Variants in GABBR2 observed in about 807,000 individuals in gnomAD.
The protein encoded by GABBR2 is G-protein coupled receptor 51.
Under a neutral mutation model 105.6 loss-of-function variants are expected in GABBR2, and 23 were observed. The ratio of observed to expected loss-of-function variants is 0.22; its 90% CI spans 0.16 to 0.31. The LOEUF is 0.31. Among genes scored for constraint, GABBR2 ranks in the 10% least tolerant of loss-of-function variants. The probability of loss-of-function intolerance (pLI) is 1.00; values close to 1 mark genes in which losing one functional copy is unlikely to be tolerated. For synonymous variants in GABBR2, 478 were observed against 499.7 expected (o/e 0.96, Z 0.58); for missense variants, 734 against 1,245.5 (o/e 0.59, Z 6.18).
chr9:98,345,747 T>C (rs967543328), intron 13 of GABBR2, among the ~76,000 whole-genome samples: 2 of 152,226 alleles, frequency 1.3e-5, no homozygotes, highest in East Asian at 3.8e-4. Flanking sequence ...CAGGTAATTA[T>C]AGCAAAGTTT....
intron 2 of GABBR2, among the ~76,000 whole-genome samples, chr9:98,576,952 A>ATGGT (rs1554718741): frequency 7.1e-6 from 1 of 140,364 alleles, no homozygotes; most frequent in African/African-American, 2.8e-5. Context: ...GGATGGATGG[A>ATGGT]TAGGTGAATG....
At chr9:98,489,293 G>A (rs936419691) in intron 4 of GABBR2, among the ~76,000 whole-genome samples, 32 of 152,226 alleles carry the variant, frequency 2.1e-4, no homozygotes, top group African/African-American at 7.5e-4. Flanking sequence ...AGCGTTGGAT[G>A]AGGTCAGAAG....
intron 1 of GABBR2, among the ~76,000 whole-genome samples, chr9:98,672,534 G>T (rs1287028319): frequency 6.6e-6 from 1 of 152,238 alleles, no homozygotes; most frequent in Non-Finnish European, 1.5e-5. Context: ...GTCTGAGTCG[G>T]TGCCTGTCTT....
At chr9:98,643,008 C>G (rs1829985936) in intron 1 of GABBR2, among the ~76,000 whole-genome samples, 1 of 152,172 alleles carries the variant, frequency 6.6e-6, no homozygotes, top group South Asian at 2.1e-4. Flanking sequence ...GCTGATCTCT[C>G]CCAGAAGCAG....
At chr9:98,544,966 A>G (rs1461659686) in intron 2 of GABBR2, among the ~76,000 whole-genome samples, 1 of 152,180 alleles carries the variant, frequency 6.6e-6, no homozygotes, top group Non-Finnish European at 1.5e-5. Context: ...TATGCTCACC[A>G]GTGGGAGAAG....
rs1046930537 is a variant in GABBR2 at position 98,543,358 on chromosome 9, T to TTA, written c.460-1317_460-1316dup. ...TTCTATTTTGTTATATTAATTTTAT[T>TTA]TATATATATATTTATTTATTATTTA... On this transcript the variant is annotated intron_variant, in intron 2 of 18. Transcript: ENST00000259455. Among the ~76,000 whole-genome samples, 36 of 150,980 alleles carry TTA rather than the reference T, an allele frequency of 2.4e-4. No individual in the cohort carries two copies. In the East Asian group the frequency reaches 5.6e-3, roughly 23 times the overall value.
intron 8 of GABBR2, among the ~76,000 whole-genome samples, chr9:98,405,812 AT>A (rs1053120124): frequency 6.6e-6 from 1 of 152,156 alleles, no homozygotes; most frequent in African/African-American, 2.4e-5. Context: ...GGAATCATCC[AT>A]TTTTTTCCTG....
chr9:98,671,338 T>C (rs185413626), intron 1 of GABBR2, among the ~76,000 whole-genome samples: 1 of 152,360 alleles, frequency 6.6e-6, no homozygotes, highest in Non-Finnish European at 1.5e-5. Context: ...TCCATTCCTT[T>C]TTATGGGCAA....
At chr9:98,557,273 C>T (rs969728894) in intron 2 of GABBR2, among the ~76,000 whole-genome samples, 3 of 152,118 alleles carry the variant, frequency 2.0e-5, no homozygotes, top group African/African-American at 7.2e-5. Flanking sequence ...TTCTGAACAC[C>T]TTCCTACCTC....
chr9:98,606,981 G>A (rs1406027992), intron 1 of GABBR2: 5 of 803,290 alleles, frequency 6.2e-6, no homozygotes, highest in Non-Finnish European at 1.1e-5. Context: ...ACCGCTGCTC[G>A]CCCCATGTCG....
intron 3 of GABBR2, among the ~76,000 whole-genome samples, chr9:98,534,921 G>T (rs191967110): frequency 6.6e-6 from 1 of 152,172 alleles, no homozygotes; most frequent in Non-Finnish European, 1.5e-5. Flanking sequence ...AAAATCCTGC[G>T]CATGGATGTT....
At chr9:98,523,469 G>A (rs1241817523) in intron 3 of GABBR2, among the ~76,000 whole-genome samples, 1 of 152,208 alleles carries the variant, frequency 6.6e-6, no homozygotes, top group African/African-American at 2.4e-5. Flanking sequence ...TCAAGTAGCT[G>A]CTTTAAGAAG....
intron 1 of GABBR2, among the ~76,000 whole-genome samples, chr9:98,674,907 T>C (rs148965752): frequency 6.6e-6 from 1 of 152,284 alleles, no homozygotes; most frequent in Non-Finnish European, 1.5e-5. Flanking sequence ...CTACACCCTC[T>C]TCTCTTTCTG....
chr9:98,680,223 A>G (rs1462156295), intron 1 of GABBR2, among the ~76,000 whole-genome samples: 2 of 152,208 alleles, frequency 1.3e-5, no homozygotes, highest in East Asian at 3.8e-4. Context: ...TACTGCAAAA[A>G]AAAAATTATT....
At chr9:98,537,067 G>A (rs1828195423) in intron 3 of GABBR2, among the ~76,000 whole-genome samples, 1 of 152,182 alleles carries the variant, frequency 6.6e-6, no homozygotes, top group Admixed American at 6.5e-5. Flanking sequence ...TCTCAACGCT[G>A]GCGACACACT....
At chr9:98,544,979 G>A (rs1423085425) in intron 2 of GABBR2, among the ~76,000 whole-genome samples, 1 of 152,210 alleles carries the variant, frequency 6.6e-6, no homozygotes, top group Non-Finnish European at 1.5e-5. Flanking sequence ...GGGAGAAGGA[G>A]CTATTAGAAA....
chr9:98,702,205 A>C lies in GABBR2; in HGVS notation c.321+6212T>G, dbSNP rs555579767. 2.0e-5 allele frequency among the ~76,000 whole-genome samples: 3 copies of C among 151,882 alleles called. No individual in the cohort carries two copies. In the South Asian group the frequency reaches 6.3e-4, roughly 32 times the overall value. ...AGGTGTGAGGTGAGCACGTGGCCTC[A>C]CCCCTGCAGGGACCCTCTCTCCTTG... On this transcript the variant is annotated intron_variant, in intron 1 of 18. Transcript: ENST00000259455.
chr9:98,605,667 C>T (rs753633446), intron 1 of GABBR2, among the ~76,000 whole-genome samples: 3 of 152,162 alleles, frequency 2.0e-5, no homozygotes, highest in Admixed American at 6.5e-5. Context: ...CTTCAAACTG[C>T]GTGACATAAG....
At chr9:98,461,597 G>C (rs1294835308) in intron 6 of GABBR2, among the ~76,000 whole-genome samples, 1 of 152,156 alleles carries the variant, frequency 6.6e-6, no homozygotes, top group African/African-American at 2.4e-5. Context: ...AAATGTGAAA[G>C]ATATAACAAA....
Sources: gnomAD v4.1 joint callset for allele counts (sites outside exome capture counted in the v4.1 genomes callset) on GRCh38, gnomAD v4.1.1 for gene constraint, MANE v1.5 for transcripts, NCBI Gene and HGNC (gene_info 2026-07-23, HGNC 2026-07-21) for gene names.